CSNK1G2: variants seen among roughly 807,000 people sequenced by gnomAD.
The protein encoded by CSNK1G2 is casein kinase I isoform gamma-2.
A neutral mutation model predicts 48.0 loss-of-function variants in CSNK1G2; 11 were observed. That is an observed-to-expected ratio of 0.23 (90% confidence interval 0.14 to 0.38). The LOEUF (loss-of-function observed/expected upper bound fraction) is 0.38, where lower values mean the gene tolerates loss of function less well. CSNK1G2 is among the 10% of genes least tolerant of loss of function. CSNK1G2 has a pLI of 1.00. For synonymous variants in CSNK1G2, 337 were observed against 254.1 expected, an observed-to-expected ratio of 1.33 and a Z score of -3.10; for missense variants, 446 against 595.5, an observed-to-expected ratio of 0.75 and a Z score of 2.61.
intron 1 of CSNK1G2, among the ~76,000 whole-genome samples, chr19:1,965,275 C>T (rs937865076): frequency 4.0e-5 from 6 of 149,186 alleles, no homozygotes; most frequent in Non-Finnish European, 8.9e-5. Context: ...CCCAGCTACT[C>T]AGGAGGCTGA....
At chr19:1,976,113 A>T (rs1016890911) in intron 2 of CSNK1G2, 8 of 1,289,344 alleles carry the variant, frequency 6.2e-6, no homozygotes, top group Non-Finnish European at 8.1e-6. Flanking sequence ...ACCGTGTGGC[A>T]GGTTTAGTTC....
intron 1 of CSNK1G2, among the ~76,000 whole-genome samples, chr19:1,942,868 A>G (rs750656464): frequency 1.2e-4 from 18 of 152,158 alleles, no homozygotes; most frequent in Admixed American, 2.0e-4. Flanking sequence ...GTCTCCACCA[A>G]AACGAAACGC....
intron 1 of CSNK1G2, among the ~76,000 whole-genome samples, chr19:1,962,023 AAC>A (rs2015214354): frequency 6.6e-6 from 1 of 152,148 alleles, no homozygotes; most frequent in Non-Finnish European, 1.5e-5. Flanking sequence ...GTCAGCCAAA[AAC>A]ACGCAAATTA....
At chr19:1,953,995 G>T (rs764029601) in intron 1 of CSNK1G2, 1 of 533,950 alleles carries the variant, frequency 1.9e-6, no homozygotes, top group Non-Finnish European at 3.8e-6. Context: ...AGTCGCCCTT[G>T]GTCTGGTGTC....
At chr19:1,975,221 C>T (rs763254443) in intron 2 of CSNK1G2, 5 of 985,376 alleles carry the variant, frequency 5.1e-6, no homozygotes, top group Admixed American at 6.1e-5. Context: ...CTGGGGAGGA[C>T]GTTGGCGAGC....
At position 1,980,489 on chromosome 19, in the gene CSNK1G2, G is replaced by T. The variant is rs1023923248; in HGVS notation, c.*286G>T. The T allele has an allele frequency of 2.0e-6, 1 of 488,112 alleles. No homozygotes were observed. The highest frequency in any genetic ancestry group is 3.7e-6 in the Non-Finnish European group (1 of 271,884). The allele number at this position is 488,112 out of a possible 1,614,324, so 30.2% of individuals were successfully genotyped here. On this transcript the variant is annotated 3_prime_UTR_variant, in exon 12 of 12. Transcript: ENST00000255641. ...GGAAAAGAGGAAAAAAAAAACAGAG[G>T]CCCGCCCTACCCCACTCCTGCCCCT...
Position 1,979,763 on chromosome 19 carries a change from C to T in CSNK1G2, c.1014C>T (p.Ile338=), listed in dbSNP as rs377071204. The T allele has an allele frequency of 2.1e-5, 34 of 1,605,916 alleles. No homozygotes were observed. The African/African-American group carries it at 2.7e-4, about 13-fold the overall frequency. ...DWAGKPLPTP[I]GTVHTDLPSQ... Reference sequence around the variant, plus strand: ...TCCCTCACCCACAGCCGACCCCCATCGGCACCGTCCACACCGACCTGCCCT... The same window carrying T: ...TCCCTCACCCACAGCCGACCCCCATTGGCACCGTCCACACCGACCTGCCCT... Residue 338 remains isoleucine (I), a synonymous_variant, in exon 10 of 12, where the codon ATC becomes ATT. Coordinates refer to ENST00000255641, the MANE Select transcript of CSNK1G2 (RefSeq NM_001319.7).
intron 1 of CSNK1G2, among the ~76,000 whole-genome samples, chr19:1,942,070 G>A (rs1055627604): frequency 3.9e-5 from 6 of 152,236 alleles, no homozygotes; most frequent in African/African-American, 1.4e-4. Context: ...TGGTGGGGGG[G>A]AGGAAGGTGG....
intron 1 of CSNK1G2, among the ~76,000 whole-genome samples, chr19:1,959,984 C>T (rs545516393): frequency 2.6e-5 from 4 of 152,282 alleles, no homozygotes; most frequent in South Asian, 4.2e-4. Flanking sequence ...GCAGGACTCT[C>T]GGAACTGGGG....
intron 1 of CSNK1G2, among the ~76,000 whole-genome samples, chr19:1,958,003 G>A (rs957237386): frequency 2.0e-5 from 3 of 152,158 alleles, no homozygotes; most frequent in African/African-American, 7.2e-5. Context: ...CGCTTGTCTT[G>A]TCCGGAAGCC....
chr19:1,971,517 G>A lies in CSNK1G2; in HGVS notation c.187+1558G>A, dbSNP rs116436224. ...CAGACACATGCAGACATGTACACAC[G>A]TGCCCACAAATGCACATGTGCACAC... On this transcript the variant is annotated intron_variant, in intron 2 of 11. Transcript: ENST00000255641. Among the ~76,000 whole-genome samples, 977 of 152,324 alleles carry A rather than the reference G, an allele frequency of 6.4e-3. 14 individuals are homozygous for A. Among genetic ancestry groups the A allele is most frequent in the African/African-American group, 0.022 (930 of 41,564 alleles).
rs775341893 is a variant in CSNK1G2 at position 1,980,271 on chromosome 19, C to G, written c.*68C>G. On this transcript the variant is annotated 3_prime_UTR_variant, in exon 12 of 12. Transcript: ENST00000255641. ...CTTGGGGCGCGACCTTGTGCGAGGC[C>G]CTCGGGGCCCACCCACAGCGGCCCA... 13 of 1,581,438 alleles carry G rather than the reference C, an allele frequency of 8.2e-6. No individual in the cohort carries two copies. Among genetic ancestry groups the G allele is most frequent in the East Asian group, 2.2e-5 (1 of 44,622 alleles).
In CSNK1G2 at chr19:1,960,524, G is replaced by A. The variant is rs148514335; in HGVS notation, c.-265-8984G>A. 3.8e-4 allele frequency among the ~76,000 whole-genome samples: 58 copies of A among 152,344 alleles called. No homozygotes were observed. In the East Asian group the frequency reaches 0.011, roughly 29 times the overall value. On this transcript the variant is annotated intron_variant, in intron 1 of 11. Coordinates refer to ENST00000255641, the MANE Select transcript of CSNK1G2 (RefSeq NM_001319.7). ...TGACACGCTGCCGTGTCCCCCGTGT[G>A]CCTGCGCCTGGGGTCTCCGTGTGTG... is the stretch of plus-strand genomic sequence containing the variant.
intron 1 of CSNK1G2, chr19:1,953,724 A>G: frequency 2.5e-6 from 1 of 392,504 alleles, no homozygotes; most frequent in Non-Finnish European, 5.2e-6. Context: ...CGTCCCCCAC[A>G]TCCCCCCAAC....
intron 1 of CSNK1G2, chr19:1,953,782 C>T (rs1599291904): frequency 4.2e-6 from 2 of 481,348 alleles, no homozygotes; most frequent in Non-Finnish European, 8.7e-6. Context: ...CCTCCCCCCG[C>T]ATCAGGGTCC....
intron 2 of CSNK1G2, among the ~76,000 whole-genome samples, chr19:1,974,952 G>T (rs1026141284): frequency 6.6e-6 from 1 of 152,160 alleles, no homozygotes; most frequent in Non-Finnish European, 1.5e-5. Flanking sequence ...GCCGGAGGAG[G>T]CCCCTTTGGC....
chr19:1,947,213 C>CCCAAGT, intron 1 of CSNK1G2, among the ~76,000 whole-genome samples: 1 of 152,180 alleles, frequency 6.6e-6, no homozygotes, highest in Admixed American at 6.5e-5. Context: ...GTGAGGCACC[C>CCCAAGT]CAAGTCCTGG....
In CSNK1G2 at chr19:1,960,838, G is replaced by A. The variant is rs545220996; in HGVS notation, c.-265-8670G>A. 3.0e-3 allele frequency among the ~76,000 whole-genome samples: 453 copies of A among 152,252 alleles called. 8 individuals carry two copies. Among genetic ancestry groups the A allele is most frequent in the Non-Finnish European group, 2.6e-3 (174 of 68,002 alleles). On this transcript the variant is annotated intron_variant, in intron 1 of 11. Transcript: ENST00000255641. ...CGGGAGGCGGAGGCTGCGGTGAGCC[G>A]AGATCGCACCACTACACTCCAGCCT...
intron 1 of CSNK1G2, among the ~76,000 whole-genome samples, chr19:1,960,543 G>T (rs941612637): frequency 2.0e-5 from 3 of 152,188 alleles, no homozygotes; most frequent in Non-Finnish European, 4.4e-5. Context: ...TGGGGTCTCC[G>T]TGTGTGTGTC....
Sources: gnomAD v4.1 joint callset for allele counts (sites outside exome capture counted in the v4.1 genomes callset) on GRCh38, gnomAD v4.1.1 for gene constraint, MANE v1.5 for transcripts, NCBI Gene and HGNC (gene_info 2026-07-23, HGNC 2026-07-21) for gene names.